The following OSBPL9 variants were observed in gnomAD, a reference collection of about 807,000 sequenced individuals.
OSBPL9 encodes the protein oxysterol-binding protein-related protein 9.
OSBPL9 carries 40 observed loss-of-function variants against 106.6 expected under a neutral mutation model. The ratio of observed to expected loss-of-function variants is 0.38; its 90% CI spans 0.29 to 0.49. OSBPL9 has a LOEUF of 0.49. Among genes scored for constraint, OSBPL9 ranks in the 20% least tolerant of loss-of-function variants. The pLI, the probability that OSBPL9 is intolerant of heterozygous loss-of-function variation, is 0.97. For synonymous variants in OSBPL9, 269 were observed against 295.4 expected (o/e 0.91, Z 0.92); for missense variants, 609 against 887.2 (o/e 0.69, Z 3.98).
chr1:51,783,197 T>C (rs975797928), intron 17 of OSBPL9, among the ~76,000 whole-genome samples: 10 of 152,132 alleles, frequency 6.6e-5, no homozygotes, highest in Non-Finnish European at 5.9e-5. Context: ...ATTTTTTCTT[T>C]TGAGACAGGG....
At chr1:51,701,588 T>C (rs1193482700) in intron 3 of OSBPL9, among the ~76,000 whole-genome samples, 1 of 152,174 alleles carries the variant, frequency 6.6e-6, no homozygotes, top group Non-Finnish European at 1.5e-5. Context: ...GTATTGTATT[T>C]GTATATGGTT....
chr1:51,772,777 T>G, intron 14 of OSBPL9, 54 bp downstream of exon 14: 1 of 1,206,704 alleles, frequency 8.3e-7, no homozygotes, highest in Non-Finnish European at 1.2e-6. Flanking sequence ...TCTCAGTGAT[T>G]GCGTGGTGAG....
the OSBPL9 span, among the ~76,000 whole-genome samples, chr1:51,551,514 T>C: frequency 1.3e-5 from 2 of 152,224 alleles, no homozygotes; most frequent in South Asian, 2.1e-4. Context: ...ACAGATAGTA[T>C]AAACAAAGTT....
At chr1:51,723,208 G>T (rs1385670632) in intron 4 of OSBPL9, among the ~76,000 whole-genome samples, 1 of 152,096 alleles carries the variant, frequency 6.6e-6, no homozygotes, top group African/African-American at 2.4e-5. Flanking sequence ...GTTGTGTATG[G>T]GTTTGGTCGA....
At chr1:51,728,045 G>T (rs1157607680) in intron 4 of OSBPL9, among the ~76,000 whole-genome samples, 2 of 152,124 alleles carry the variant, frequency 1.3e-5, no homozygotes, top group Non-Finnish European at 2.9e-5. Context: ...ATGCGCCAAG[G>T]CCCTAAAATT....
At chr1:51,646,005 A>G (rs1248702859) in intron 1 of OSBPL9, among the ~76,000 whole-genome samples, 1 of 152,164 alleles carries the variant, frequency 6.6e-6, no homozygotes, top group Non-Finnish European at 1.5e-5. Flanking sequence ...CACACTGTCT[A>G]TTATTACTGT....
At chr1:51,684,895 C>T (rs539838881) in intron 3 of OSBPL9, among the ~76,000 whole-genome samples, 39 of 150,076 alleles carry the variant, frequency 2.6e-4, no homozygotes, top group Non-Finnish European at 4.9e-4. Flanking sequence ...AAATAGTTGC[C>T]TGAACACTGC....
chr1:51,536,613 C>G, the OSBPL9 span, among the ~76,000 whole-genome samples: 1 of 152,184 alleles, frequency 6.6e-6, no homozygotes, highest in Non-Finnish European at 1.5e-5. Flanking sequence ...GCCACCACAC[C>G]TAGCCTGTTA....
At chr1:51,678,863 G>T (rs983342499) in intron 3 of OSBPL9, among the ~76,000 whole-genome samples, 4 of 152,112 alleles carry the variant, frequency 2.6e-5, no homozygotes, top group Non-Finnish European at 4.4e-5. Flanking sequence ...ACTAAACCAT[G>T]GTTGCAGGCT....
At chr1:51,703,422 C>T (rs919377313) in intron 3 of OSBPL9, among the ~76,000 whole-genome samples, 2 of 152,186 alleles carry the variant, frequency 1.3e-5, no homozygotes, top group African/African-American at 4.8e-5. Flanking sequence ...TGGGAGTTCA[C>T]ACATGATTTG....
At chr1:51,657,808 G>C (rs910863834) in intron 2 of OSBPL9, among the ~76,000 whole-genome samples, 3 of 152,060 alleles carry the variant, frequency 2.0e-5, no homozygotes, top group Non-Finnish European at 4.4e-5. Context: ...CATTAAAGAG[G>C]CAGTGTGGCC....
intron 4 of OSBPL9, among the ~76,000 whole-genome samples, chr1:51,718,439 A>G (rs995394887): frequency 3.9e-5 from 6 of 152,228 alleles, no homozygotes; most frequent in African/African-American, 1.4e-4. Flanking sequence ...TGCCTATATC[A>G]AAATATTTAT....
intron 1 of OSBPL9, among the ~76,000 whole-genome samples, chr1:51,625,438 G>A (rs1644709603): frequency 6.6e-6 from 1 of 151,958 alleles, no homozygotes; most frequent in Non-Finnish European, 1.5e-5. Flanking sequence ...TTCTTTTACT[G>A]TTTATAGAGA....
At chr1:51,740,206 A>G (rs761756515) in intron 4 of OSBPL9, 3 of 1,539,092 alleles carry the variant, frequency 1.9e-6, no homozygotes, top group South Asian at 2.5e-5. Flanking sequence ...ATTTTCAAAA[A>G]TAATTGTAAG....
rs771639362 is a variant in OSBPL9, at chr1:51,784,633, C to T, written c.1829+51C>T. On this transcript the variant is annotated intron_variant, in intron 20 of 23. Coordinates refer to ENST00000428468, the MANE Select transcript of OSBPL9 (RefSeq NM_024586.6). ...TCTTATGCTTTTCTGAAATAACTGC[C>T]TTTTGTCTTGAACTACAGCTTCTGG... is the stretch of plus-strand genomic sequence containing the variant. 7.0e-6 allele frequency: 11 copies of T among 1,577,010 alleles called. No individual in the cohort carries two copies. The South Asian group carries it at 9.0e-5, about 13-fold the overall frequency.
At chr1:51,777,527 C>T (rs569689886) in intron 15 of OSBPL9, among the ~76,000 whole-genome samples, 53 of 152,194 alleles carry the variant, frequency 3.5e-4, no homozygotes, top group African/African-American at 1.3e-3. Flanking sequence ...GTTGTTAGTT[C>T]GTCTTCTCTG....
At chr1:51,605,938 C>T (rs1042317168) in intron 2 of OSBPL9, among the ~76,000 whole-genome samples, 4 of 151,084 alleles carry the variant, frequency 2.6e-5, no homozygotes, top group African/African-American at 9.8e-5. Context: ...CAAGATCAGG[C>T]CACTGTACAG....
At position 51,787,876 on chromosome 1, in the gene OSBPL9, C is replaced by G; in HGVS notation, c.*87C>G. Reference sequence around the variant, plus strand: ...AATCTTCCTTTGGGAGAAACCTGTTCATTCCAATCTTCTAATTACAGTGGT... The same window carrying G: ...AATCTTCCTTTGGGAGAAACCTGTTGATTCCAATCTTCTAATTACAGTGGT... On this transcript the variant is annotated 3_prime_UTR_variant, in exon 24 of 24. Transcript: ENST00000428468. 8.4e-7 allele frequency: 1 copy of G among 1,191,066 alleles called. No homozygotes were observed. Among genetic ancestry groups the G allele is most frequent in the Non-Finnish European group, 1.2e-6 (1 of 803,632 alleles). 73.8% of individuals were successfully genotyped at this position (1,191,066 alleles called of 1,614,324 possible).
chr1:51,597,342 G>A (rs776307774), intron 1 of OSBPL9, among the ~76,000 whole-genome samples: 8 of 151,412 alleles, frequency 5.3e-5, no homozygotes, highest in Non-Finnish European at 1.0e-4. Context: ...ATAATCAATC[G>A]GGATGTCAAG....
Sources: allele counts gnomAD v4.1 joint callset (sites outside exome capture counted in the v4.1 genomes callset), GRCh38; gene constraint gnomAD v4.1.1; transcripts MANE v1.5; gene names NCBI Gene and HGNC (gene_info 2026-07-23, HGNC 2026-07-21).